CRB1: variants seen among roughly 807,000 people sequenced by gnomAD.
CRB1 encodes crumbs cell polarity complex component 1, also known as protein crumbs homolog 1.
A neutral mutation model predicts 120.0 loss-of-function variants in CRB1; 83 were observed. That is an observed-to-expected ratio of 0.69 (90% CI 0.58 to 0.83). The LOEUF is 0.83. Ranked by LOEUF, CRB1 falls within the 40% of genes least tolerant of loss-of-function variation. The pLI is 0.00. For synonymous variants in CRB1, 625 were observed against 612.5 expected, an observed-to-expected ratio of 1.02 and a Z score of -0.30; for missense variants, 1,699 against 1,687.6, an observed-to-expected ratio of 1.01 and a Z score of -0.12.
chr1:197,257,614 C>A, the CRB1 span, among the ~76,000 whole-genome samples: 2 of 152,160 alleles, frequency 1.3e-5, no homozygotes, highest in African/African-American at 2.4e-5. Context: ...CTAATCAGTT[C>A]TTTCTTTTAT....
At position 197,347,400 on chromosome 1, in the gene CRB1, T is replaced by C. The variant is rs554706901; in HGVS notation, c.909T>C (p.Pro303=). ...FTGTHCETLM[P]LCWSKPCHNN... ...GGACACACTGTGAGACCTTGATGCC[T>C]CTTTGTTGGTCAAAACCTTGTCACA... is the stretch of plus-strand genomic sequence containing the variant. Residue 303 remains proline (P), a synonymous_variant, in exon 4 of 12, where the codon CCT becomes CCC. Transcript: ENST00000367400. 1 of 1,614,052 alleles carries C rather than the reference T, an allele frequency of 6.2e-7. No individual in the cohort carries two copies. Among genetic ancestry groups the C allele is most frequent in the South Asian group, 1.1e-5 (1 of 91,082 alleles).
chr1:197,445,301 T>C (rs138768193), intron 11 of CRB1, among the ~76,000 whole-genome samples: 51 of 152,340 alleles, frequency 3.3e-4, no homozygotes, highest in African/African-American at 1.2e-3. Context: ...TGTCTCTATG[T>C]TTGGCCATGC....
the CRB1 span, among the ~76,000 whole-genome samples, chr1:197,204,809 T>TG: frequency 2.0e-5 from 3 of 152,220 alleles, no homozygotes; most frequent in African/African-American, 4.8e-5. Flanking sequence ...TTGTTTTTGT[T>TG]GCATTTGCTT....
chr1:197,246,466 C>T, the CRB1 span, among the ~76,000 whole-genome samples: 1 of 151,964 alleles, frequency 6.6e-6, no homozygotes. Flanking sequence ...AAGGAGCTTA[C>T]CACCATGTCA....
intron 5 of CRB1, among the ~76,000 whole-genome samples, chr1:197,365,626 C>CTTCTT (rs1247162027): frequency 0.047 from 5,750 of 121,652 alleles, 156 homozygotes; most frequent in Non-Finnish European, 0.062. Context: ...TCTTCTTCTT[C>CTTCTT]TTTTTTTTTT....
At chr1:197,245,433 G>T in the CRB1 span, among the ~76,000 whole-genome samples, 17 of 152,026 alleles carry the variant, frequency 1.1e-4, no homozygotes, top group Admixed American at 2.6e-4. Context: ...GGAGTTTGTG[G>T]TGGCAGTATA....
chr1:197,424,923 G>A (rs1447557786), intron 6 of CRB1, among the ~76,000 whole-genome samples: 2 of 152,078 alleles, frequency 1.3e-5, no homozygotes, highest in African/African-American at 4.8e-5. Context: ...ATGTCTTCAG[G>A]TGTTTCTAAA....
Position 197,435,311 on chromosome 1 carries a change from C to A in CRB1, c.3448C>A (p.His1150Asn), listed in dbSNP as rs372272372. The A allele has an allele frequency of 8.7e-6, 14 of 1,613,778 alleles. No individual in the cohort carries two copies. Among genetic ancestry groups the A allele is most frequent in the Non-Finnish European group, 1.2e-5 (14 of 1,179,820 alleles). The change falls in exon 9 of 12, where the codon CAT (histidine) becomes AAT (asparagine). Residue 1150 changes from histidine to asparagine, a missense_variant. His to Asn is a moderately conservative substitution (Grantham distance 68). Transcript: ENST00000367400. ...LNVCNSNPCLHGGNCEDIYSS... is the reference protein window; with the variant it reads ...LNVCNSNPCLNGGNCEDIYSS... Reference sequence around the variant, plus strand: ...TGTCTGCAACTCCAACCCCTGTTTGCATGGAGGAAACTGTGAAGACATCTA... The same window carrying A: ...TGTCTGCAACTCCAACCCCTGTTTGAATGGAGGAAACTGTGAAGACATCTA...
At position 197,344,398 on chromosome 1, in the gene CRB1, A is replaced by T; in HGVS notation, c.770A>T (p.Asp257Val). 1 of 1,613,944 alleles carries T rather than the reference A, an allele frequency of 6.2e-7. No individual in the cohort carries two copies. Among genetic ancestry groups the T allele is most frequent in the Non-Finnish European group, 8.5e-7 (1 of 1,179,962 alleles). ...FCDCAPGFLG[D>V]HCELNTDECA... ...GACTGTGCCCCTGGATTCCTGGGGG[A>T]TCACTGTGAACTCAACACTGATGAG... Residue 257 changes from aspartate (D) to valine (V), a missense_variant, in exon 3 of 12, where the codon GAT (aspartate) becomes GTT (valine). Asp to Val is a radical substitution (Grantham distance 152). Transcript: ENST00000367400.
intron 5 of CRB1, among the ~76,000 whole-genome samples, chr1:197,390,601 G>A (rs564844509): frequency 3.2e-4 from 48 of 152,108 alleles, no homozygotes; most frequent in African/African-American, 8.0e-4. Flanking sequence ...GAAGTTACTC[G>A]GTTCCCTTCA....
intron 11 of CRB1, among the ~76,000 whole-genome samples, chr1:197,458,620 C>G (rs527789213): frequency 6.6e-6 from 1 of 152,206 alleles, no homozygotes; most frequent in South Asian, 2.1e-4. Context: ...CTGCTGGAGT[C>G]AGTGCCTTCC....
At chr1:197,229,823 C>A in the CRB1 span, among the ~76,000 whole-genome samples, 10 of 152,068 alleles carry the variant, frequency 6.6e-5, no homozygotes. Context: ...GTTCTAAGGC[C>A]TTTTCCTCAC....
intron 4 of CRB1, among the ~76,000 whole-genome samples, chr1:197,349,277 TG>T (rs1483575211): frequency 7.2e-5 from 11 of 152,224 alleles, no homozygotes; most frequent in African/African-American, 2.7e-4. Flanking sequence ...CATTTAGGTC[TG>T]TATAAGTACA....
At chr1:197,379,704 T>G (rs1050748682) in intron 5 of CRB1, among the ~76,000 whole-genome samples, 1 of 151,238 alleles carries the variant, frequency 6.6e-6, no homozygotes, top group African/African-American at 2.4e-5. Flanking sequence ...TATCATAGAC[T>G]ATTTTAAGTT....
At chr1:197,303,852 T>G in intron 1 of CRB1, among the ~76,000 whole-genome samples, 1 of 152,060 alleles carries the variant, frequency 6.6e-6, no homozygotes, top group East Asian at 1.9e-4. Context: ...GCTGAGAGTG[T>G]TGGTGTGTGC....
chr1:197,253,411 A>T, the CRB1 span, among the ~76,000 whole-genome samples: 1 of 152,092 alleles, frequency 6.6e-6, no homozygotes, highest in South Asian at 2.1e-4. Context: ...AGCACTTTGA[A>T]CATTTTTTAA....
chr1:197,251,285 A>G, the CRB1 span, among the ~76,000 whole-genome samples: 9 of 152,146 alleles, frequency 5.9e-5, no homozygotes, highest in African/African-American at 1.7e-4. Context: ...CTGAGCACAT[A>G]ATAAGCACAA....
chr1:197,278,044 T>G (rs1214912277), intron 1 of CRB1, among the ~76,000 whole-genome samples: 1 of 151,924 alleles, frequency 6.6e-6, no homozygotes, highest in Non-Finnish European at 1.5e-5. Flanking sequence ...TGTGTGCAAG[T>G]TGGCTGCAGC....
At chr1:197,399,028 A>T (rs935729662) in intron 5 of CRB1, among the ~76,000 whole-genome samples, 3 of 151,676 alleles carry the variant, frequency 2.0e-5, no homozygotes, top group Admixed American at 2.0e-4. Context: ...GTCTCCATGT[A>T]TTTCTCTATG....
Sources: gnomAD v4.1 joint callset for allele counts (sites outside exome capture counted in the v4.1 genomes callset) on GRCh38, gnomAD v4.1.1 for gene constraint, MANE v1.5 for transcripts, NCBI Gene and HGNC (gene_info 2026-07-23, HGNC 2026-07-21) for gene names.